The following TEX29 variants were observed in gnomAD, a reference collection of about 807,000 sequenced individuals.
TEX29 encodes testis-expressed protein 29.
TEX29 carries 26 observed loss-of-function variants against 18.2 expected under a neutral mutation model. The observed-to-expected ratio is 1.43, with a 90% CI of 1.04 to 1.98. The LOEUF (loss-of-function observed/expected upper bound fraction) is 1.98. TEX29 is among the 30% of genes most tolerant of loss of function. The probability of loss-of-function intolerance (pLI) is 0.00; values close to 1 mark genes in which losing one functional copy is unlikely to be tolerated. For missense variants in TEX29, 177 were observed against 194.2 expected, an observed-to-expected ratio of 0.91 and a Z score of 0.53; for synonymous variants, 83 against 78.5, an observed-to-expected ratio of 1.06 and a Z score of -0.31.
In TEX29 at chr13:111,328,207, T is replaced by A; in HGVS notation, c.83T>A (p.Ile28Asn). Reference protein sequence around the residue: ...FTVCDVPLYDICDYNVSRDRC... With the variant: ...FTVCDVPLYDNCDYNVSRDRC... ...GTGTGTGACGTTCCTCTGTATGACATTTGTGACTACAACGTCTCCAGGGAC... is the reference window on the plus strand; with the variant it reads ...GTGTGTGACGTTCCTCTGTATGACAATTGTGACTACAACGTCTCCAGGGAC... The change falls in exon 3 of 6, where the codon ATT (isoleucine) becomes AAT (asparagine). Residue 28 changes from isoleucine (I) to asparagine (N), a missense_variant. Ile to Asn is a moderately radical substitution (Grantham distance 149). Coordinates refer to ENST00000283547, the MANE Select transcript of TEX29 (RefSeq NM_152324.3). 6.2e-7 allele frequency: 1 copy of A among 1,612,892 alleles called. No homozygotes were observed. The highest frequency in any genetic ancestry group is 8.5e-7 in the Non-Finnish European group (1 of 1,179,284).
intron 2 of TEX29, among the ~76,000 whole-genome samples, chr13:111,324,492 A>G (rs2093669570): frequency 6.6e-6 from 1 of 152,192 alleles, no homozygotes; most frequent in South Asian, 2.1e-4. Flanking sequence ...TGACTGCTTC[A>G]TCGGGAAACG....
In TEX29 at chr13:111,344,166, T is replaced by C. The variant is rs114872122; in HGVS notation, c.*43T>C. ...GTGGAGATTGTCAGAATTATCCAAA[T>C]GAAATGGTACAGCAGGTGCACTGTT... On this transcript the variant is annotated 3_prime_UTR_variant, in exon 6 of 6. Transcript: ENST00000283547. 18 of 1,557,152 alleles carry C rather than the reference T, an allele frequency of 1.2e-5. No homozygotes were observed. The highest frequency in any genetic ancestry group is 1.4e-5 in the Non-Finnish European group (16 of 1,129,002).
At chr13:111,321,052 T>A in intron 2 of TEX29, 104 bp downstream of exon 2, 3 of 1,324,324 alleles carry the variant, frequency 2.3e-6, no homozygotes, top group Non-Finnish European at 3.1e-6. Context: ...GGGGTCCTGG[T>A]CCCAGACCTG....
intron 2 of TEX29, among the ~76,000 whole-genome samples, chr13:111,323,208 G>C (rs937222571): frequency 6.6e-6 from 1 of 152,228 alleles, no homozygotes; most frequent in African/African-American, 2.4e-5. Context: ...GAGGCAGCTG[G>C]GCCTCCAGAC....
chr13:111,330,413 AG>A (rs2093680900), intron 3 of TEX29, among the ~76,000 whole-genome samples: 1 of 152,204 alleles, frequency 6.6e-6, no homozygotes, highest in African/African-American at 2.4e-5. Context: ...ATAGTTGGGA[AG>A]GTTTTCTGAT....
chr13:111,331,316 AT>A (rs56208500), intron 3 of TEX29, among the ~76,000 whole-genome samples: 8,387 of 130,668 alleles, frequency 0.064, 194 homozygotes, highest in African/African-American at 0.096. Flanking sequence ...CCATTGTTGC[AT>A]TTTTTTTTTT....
At chr13:111,335,396 T>C (rs2093688210) in intron 3 of TEX29, among the ~76,000 whole-genome samples, 1 of 152,202 alleles carries the variant, frequency 6.6e-6, no homozygotes, top group South Asian at 2.1e-4. Flanking sequence ...CTCATATGGC[T>C]TCATTCCAGC....
intron 3 of TEX29, 57 bp downstream of exon 3, chr13:111,328,350 C>A: frequency 8.5e-7 from 1 of 1,172,644 alleles, no homozygotes; most frequent in Non-Finnish European, 1.3e-6. Flanking sequence ...GTGACCATGC[C>A]GACCACTGCC....
intron 3 of TEX29, chr13:111,339,248 G>T: frequency 2.2e-6 from 1 of 455,314 alleles, no homozygotes; most frequent in Non-Finnish European, 4.4e-6. Flanking sequence ...AGGAAGCCCA[G>T]TCAAGGATTT....
intron 3 of TEX29, among the ~76,000 whole-genome samples, chr13:111,329,880 T>C (rs972733239): frequency 2.0e-5 from 3 of 152,140 alleles, no homozygotes; most frequent in African/African-American, 7.2e-5. Flanking sequence ...ATCTCTGGCA[T>C]TTTGCAGCTG....
chr13:111,320,045 G>A (rs115322506), upstream of TEX29, among the ~76,000 whole-genome samples: 2,356 of 152,200 alleles, frequency 0.015, 62 homozygotes, highest in African/African-American at 0.053. Context: ...GCGGCATCTC[G>A]GCTCCTTGTG....
intron 5 of TEX29, 140 bp from the exon 6 acceptor site, chr13:111,343,943 G>A (rs1295358750): frequency 2.3e-5 from 16 of 707,322 alleles, no homozygotes; most frequent in Non-Finnish European, 3.6e-5. Context: ...AGGAGGATAC[G>A]GCCATCCCCA....
upstream of TEX29, among the ~76,000 whole-genome samples, chr13:111,316,642 C>T (rs186207741): frequency 3.2e-3 from 494 of 152,350 alleles, 1 homozygote; most frequent in African/African-American, 0.011. Flanking sequence ...CCAGTGCTGC[C>T]GCACACACAG....
upstream of TEX29, chr13:111,316,331 C>T (rs2093654715): frequency 2.2e-6 from 1 of 455,778 alleles, no homozygotes; most frequent in Non-Finnish European, 4.4e-6. Context: ...GGGGCATGCA[C>T]ACGCCTCCCG....
chr13:111,328,905 C>T (rs969216496), intron 3 of TEX29, among the ~76,000 whole-genome samples: 1 of 152,190 alleles, frequency 6.6e-6, no homozygotes, highest in Non-Finnish European at 1.5e-5. Context: ...TGAAGGCTTC[C>T]GGAGGGAGGC....
Position 111,339,162 on chromosome 13 carries a change from G to A in TEX29, c.170-701G>A. On this transcript the variant is annotated intron_variant, in intron 3 of 5. Transcript: ENST00000283547. ...GGGCTGCCCCTCGTGGCCACCTGGG[G>A]AGGCTTGACTTTTGCTGAGGCTGGG... The A allele has an allele frequency of 6.9e-6, 3 of 434,268 alleles. No homozygotes were observed. The Admixed American group carries it at 7.2e-5, about 10-fold the overall frequency. 26.9% of individuals were successfully genotyped at this position (434,268 alleles called of 1,614,324 possible). A position where few individuals can be genotyped will look rare whatever the true frequency, so the allele number is the denominator to read the frequency against.
chr13:111,323,275 C>T (rs1273174106), intron 2 of TEX29, among the ~76,000 whole-genome samples: 4 of 152,194 alleles, frequency 2.6e-5, no homozygotes, highest in Non-Finnish European at 5.9e-5. Flanking sequence ...GTTCACATGG[C>T]CCTGGATGGC....
rs151203516 is a variant in TEX29 at position 111,322,794 on chromosome 13, T to C, written c.58+1846T>C. 1.5e-3 allele frequency among the ~76,000 whole-genome samples: 230 copies of C among 152,338 alleles called. 1 individual carries two copies. Among genetic ancestry groups the C allele is most frequent in the African/African-American group, 5.2e-3 (218 of 41,562 alleles). On this transcript the variant is annotated intron_variant, in intron 2 of 5. Transcript: ENST00000283547. ...CTGTGGCGTGGCTGTTTTGCAACTG[T>C]TTCTATTCCTTTAGGGGTGTAGGGA...
intron 3 of TEX29, among the ~76,000 whole-genome samples, chr13:111,333,754 A>G (rs764081528): frequency 4.0e-5 from 6 of 150,564 alleles, no homozygotes; most frequent in South Asian, 4.1e-4. Context: ...GAAGCAAGAC[A>G]TGTCTTACGT....
Sources: gnomAD v4.1 joint callset for allele counts (sites outside exome capture counted in the v4.1 genomes callset) on GRCh38, gnomAD v4.1.1 for gene constraint, MANE v1.5 for transcripts, NCBI Gene and HGNC (gene_info 2026-07-23, HGNC 2026-07-21) for gene names.